RBM34: variants seen among roughly 807,000 people sequenced by gnomAD.
RBM34 encodes the protein RNA binding motif protein 34.
In RBM34, 39 loss-of-function variants were observed where a neutral mutation model predicts 44.6. The ratio of observed to expected loss-of-function variants is 0.87; its 90% CI spans 0.68 to 1.14. RBM34 has a LOEUF of 1.14. RBM34 is among the 50% of genes most tolerant of loss of function. RBM34 has a pLI of 0.00. For synonymous variants in RBM34, 194 were observed against 184.0 expected, an observed-to-expected ratio of 1.05 and a Z score of -0.44; for missense variants, 572 against 517.9, an observed-to-expected ratio of 1.10 and a Z score of -1.01.
chr1:235,148,241 G>A (rs1416679473), intron 6 of RBM34, among the ~76,000 whole-genome samples, 163 bp downstream of exon 6: 1 of 152,006 alleles, frequency 6.6e-6, no homozygotes, highest in African/African-American at 2.4e-5. Context: ...AAAGAAAAAC[G>A]TGACAAATCT....
At chr1:235,135,378 G>T (rs550067259) in intron 10 of RBM34, among the ~76,000 whole-genome samples, 2 of 152,130 alleles carry the variant, frequency 1.3e-5, no homozygotes, top group Admixed American at 1.3e-4. Context: ...ATAGGCACCT[G>T]CCACCACACC....
intron 6 of RBM34, among the ~76,000 whole-genome samples, chr1:235,139,894 C>G (rs1438580973): frequency 6.6e-6 from 1 of 152,208 alleles, no homozygotes; most frequent in African/African-American, 2.4e-5. Flanking sequence ...CAGCCATGAT[C>G]TCACTAAAAC....
rs1661197893 is a variant in RBM34, at chr1:235,131,594, A to T, written c.*119T>A. 2 of 1,130,574 alleles carry T rather than the reference A, an allele frequency of 1.8e-6. No individual in the cohort carries two copies. Among genetic ancestry groups the T allele is most frequent in the East Asian group, 4.8e-5 (2 of 41,814 alleles). 70.0% of individuals were successfully genotyped at this position (1,130,574 alleles called of 1,614,324 possible). On this transcript the variant is annotated 3_prime_UTR_variant, in exon 11 of 11. Transcript: ENST00000408888. Reference sequence around the variant, plus strand: ...GAATGTGGAAGTCTCCACATTTCACATACACCATCCATAAAGAAGTATAAA... The same window carrying T: ...GAATGTGGAAGTCTCCACATTTCACTTACACCATCCATAAAGAAGTATAAA...
chr1:235,134,169 T>C (rs1374417422), intron 10 of RBM34, among the ~76,000 whole-genome samples: 1 of 152,174 alleles, frequency 6.6e-6, no homozygotes, highest in Non-Finnish European at 1.5e-5. Context: ...ACTACAGGCA[T>C]GCACCACCAC....
Position 235,154,902 on chromosome 1 carries a change from C to G in RBM34, c.576G>C (p.Leu192Phe), listed in dbSNP as rs917341772. The change falls in exon 4 of 11, where the codon TTG (leucine) becomes TTC (phenylalanine). Residue 192 changes from leucine (L) to phenylalanine (F), a missense_variant. Leu to Phe is a conservative substitution (Grantham distance 22, BLOSUM62 0). Coordinates refer to ENST00000408888, the MANE Select transcript of RBM34 (RefSeq NM_015014.4). ...TCACCTTCTTATTACATGTAACAGG[C>G]AAATTCCCAACAAACACAGTTCTCT... The part of the protein sequence containing the change: ...KNERTVFVGN[L>F]PVTCNKKKLK... 6.2e-7 allele frequency: 1 copy of G among 1,613,668 alleles called. No individual in the cohort carries two copies. The highest frequency in any genetic ancestry group is 1.7e-4 in the Middle Eastern group (1 of 6,056).
At chr1:235,145,087 GA>G (rs1661846865) in intron 6 of RBM34, among the ~76,000 whole-genome samples, 1 of 151,984 alleles carries the variant, frequency 6.6e-6, no homozygotes, top group African/African-American at 2.4e-5. Flanking sequence ...ATGACAAATA[GA>G]GAAAAATATT....
At chr1:235,144,299 CAT>C (rs34485227) in intron 6 of RBM34, among the ~76,000 whole-genome samples, 37,486 of 151,854 alleles carry the variant, frequency 0.25, 5,881 homozygotes, top group South Asian at 0.52. Flanking sequence ...CAAACTAACA[CAT>C]AGAGACAGAA....
intron 5 of RBM34, 98 bp from the exon 6 acceptor site, chr1:235,148,545 G>A: frequency 1.2e-6 from 1 of 815,566 alleles, no homozygotes; most frequent in Non-Finnish European, 1.8e-6. Flanking sequence ...CCAGTACACT[G>A]TGATCAAAAA....
chr1:235,143,990 G>A (rs904461081), intron 6 of RBM34, among the ~76,000 whole-genome samples: 2 of 152,118 alleles, frequency 1.3e-5, no homozygotes, highest in Non-Finnish European at 2.9e-5. Flanking sequence ...ACCAGTCTGG[G>A]CATTAGTGAC....
At chr1:235,134,188 G>A (rs1661319606) in intron 10 of RBM34, among the ~76,000 whole-genome samples, 3 of 152,032 alleles carry the variant, frequency 2.0e-5, no homozygotes, top group African/African-American at 7.2e-5. Context: ...ACGCCCAGCT[G>A]ATTTTTGTAT....
chr1:235,158,752 G>C (rs967649953), intron 3 of RBM34, among the ~76,000 whole-genome samples: 2 of 152,114 alleles, frequency 1.3e-5, no homozygotes, highest in African/African-American at 4.8e-5. Context: ...AAAGAAGAGA[G>C]GAATGAAGAC....
intron 3 of RBM34, among the ~76,000 whole-genome samples, chr1:235,155,856 T>TAC (rs1662410644): frequency 4.6e-5 from 2 of 43,916 alleles, no homozygotes; most frequent in Non-Finnish European, 7.5e-5. Flanking sequence ...TATATATATA[T>TAC]ATATATATAT....
chr1:235,155,113 CT>C lies in RBM34; in HGVS notation c.366-2del, dbSNP rs1477287651. On this transcript the variant is annotated splice_acceptor_variant, in intron 3 of 10. Coordinates refer to ENST00000408888, the MANE Select transcript of RBM34 (RefSeq NM_015014.4). LOFTEE classifies it high-confidence loss of function. ...ATCAGCACTCGCTAGAGCGCTTTCC[CT>C]TTTTAAGGCAAAAAATAAAATAAGC... The C allele has an allele frequency of 1.2e-6, 2 of 1,609,108 alleles. No homozygotes were observed. Among genetic ancestry groups the C allele is most frequent in the Non-Finnish European group, 8.5e-7 (1 of 1,178,812 alleles).
intron 3 of RBM34, 112 bp downstream of exon 3, chr1:235,160,399 A>C: frequency 7.2e-7 from 1 of 1,380,996 alleles, no homozygotes; most frequent in East Asian, 2.3e-5. Flanking sequence ...TTCCATAATA[A>C]AAGTTTTGAA....
At chr1:235,147,455 T>C (rs1661952486) in intron 6 of RBM34, among the ~76,000 whole-genome samples, 1 of 152,180 alleles carries the variant, frequency 6.6e-6, no homozygotes, top group Non-Finnish European at 1.5e-5. Context: ...AAGGGTTGTA[T>C]CTTACTAAGG....
chr1:235,145,966 G>GTTT (rs34111332), intron 6 of RBM34, among the ~76,000 whole-genome samples: 33 of 77,174 alleles, frequency 4.3e-4, no homozygotes, highest in Non-Finnish European at 4.6e-4. Context: ...ATTACAGCAG[G>GTTT]TTTTTTTTTT....
At position 235,141,928 on chromosome 1, in the gene RBM34, C is replaced by T. The variant is rs531637575; in HGVS notation, c.702-3754G>A. ...CTGTAACACTCACCGCGAGGGTCCG[C>T]GGCTTCATTCTTGAAGTCAGTGAGA... is the stretch of plus-strand genomic sequence containing the variant. On this transcript the variant is annotated intron_variant, in intron 6 of 10. Coordinates refer to ENST00000408888, the MANE Select transcript of RBM34 (RefSeq NM_015014.4). Among the ~76,000 whole-genome samples, 287 of 152,324 alleles carry T rather than the reference C, an allele frequency of 1.9e-3. 2 individuals are homozygous for T. The highest frequency in any genetic ancestry group is 0.01 in the Middle Eastern group (3 of 294).
chr1:235,139,848 G>A (rs1661599888), intron 6 of RBM34, among the ~76,000 whole-genome samples: 1 of 152,180 alleles, frequency 6.6e-6, no homozygotes, highest in African/African-American at 2.4e-5. Flanking sequence ...GAGCACAGGG[G>A]CAAAATGCTG....
At chr1:235,155,862 T>TATATATATACAC (rs1322918501) in intron 3 of RBM34, among the ~76,000 whole-genome samples, 1 of 40,004 alleles carries the variant, frequency 2.5e-5, no homozygotes, top group African/African-American at 1.4e-4. Flanking sequence ...TATATATATA[T>TATATATATACAC]ATATACATAT....
Sources: gnomAD v4.1 joint callset for allele counts (sites outside exome capture counted in the v4.1 genomes callset) on GRCh38, gnomAD v4.1.1 for gene constraint, MANE v1.5 for transcripts, NCBI Gene and HGNC (gene_info 2026-07-23, HGNC 2026-07-21) for gene names.